The following TIMELESS variants were observed in gnomAD, a reference collection of about 807,000 sequenced individuals.
TIMELESS encodes timeless circadian regulator.
In TIMELESS, 124 loss-of-function variants were observed where a neutral mutation model predicts 164.3. The observed-to-expected ratio is 0.75, with a 90% confidence interval of 0.65 to 0.88. The LOEUF (loss-of-function observed/expected upper bound fraction) is 0.88, where lower values mean the gene tolerates loss of function less well. Ranked by LOEUF, TIMELESS falls within the 40% of genes least tolerant of loss-of-function variation. TIMELESS has a pLI of 0.00. For synonymous variants in TIMELESS, 564 were observed against 563.4 expected, an observed-to-expected ratio of 1.00 and a Z score of -0.02; for missense variants, 1,422 against 1,491.4, an observed-to-expected ratio of 0.95 and a Z score of 0.77.
intron 6 of TIMELESS, 93 bp from the exon 7 acceptor site, chr12:56,432,617 T>A: frequency 1.3e-6 from 2 of 1,515,336 alleles, no homozygotes; most frequent in Non-Finnish European, 1.8e-6. Context: ...CCAAGCCTCC[T>A]CTCCCAGACT....
intron 13 of TIMELESS, 150 bp from the exon 14 acceptor site, chr12:56,425,302 C>T: frequency 9.9e-7 from 1 of 1,014,158 alleles, no homozygotes; most frequent in Non-Finnish European, 1.4e-6. Flanking sequence ...TAGTGAACAG[C>T]ATATTTCCTT....
At chr12:56,447,353 T>G (rs960009433) in intron 1 of TIMELESS, among the ~76,000 whole-genome samples, 2 of 152,178 alleles carry the variant, frequency 1.3e-5, no homozygotes, top group Non-Finnish European at 2.9e-5. Flanking sequence ...CACGAAAACG[T>G]AAACTCTTTC....
At chr12:56,432,998 A>C (rs780217871) in intron 6 of TIMELESS, 28 bp downstream of exon 6, 1 of 1,529,126 alleles carries the variant, frequency 6.5e-7, no homozygotes, top group East Asian at 2.3e-5. Context: ...AACCATGCAC[A>C]AGAACACAGA....
chr12:56,420,048 A>ATGTGTGTGTGTGTGTG (rs1363649039), intron 26 of TIMELESS, among the ~76,000 whole-genome samples: 4 of 87,342 alleles, frequency 4.6e-5, no homozygotes, highest in African/African-American at 2.0e-4. Context: ...ATATATATAT[A>ATGTGTGTGTGTGTGTG]TGTGTGTGTG....
intron 1 of TIMELESS, among the ~76,000 whole-genome samples, chr12:56,438,589 T>C (rs1326410271): frequency 6.6e-6 from 1 of 151,568 alleles, no homozygotes; most frequent in African/African-American, 2.4e-5. Flanking sequence ...TTGGGCAATA[T>C]AGTGAGACCT....
intron 1 of TIMELESS, 125 bp from the exon 2 acceptor site, chr12:56,434,356 A>G: frequency 1.7e-6 from 1 of 593,984 alleles, no homozygotes. Context: ...TTTTGTCACA[A>G]CCAAAAGTTC....
At chr12:56,423,054 T>C in intron 18 of TIMELESS, 62 bp from the exon 19 acceptor site, 3 of 1,560,566 alleles carry the variant, frequency 1.9e-6, no homozygotes, top group Non-Finnish European at 2.6e-6. Flanking sequence ...AACCTGGCCC[T>C]CTAGGTATTT....
At chr12:56,424,372 G>T (rs1881602514) in intron 15 of TIMELESS, among the ~76,000 whole-genome samples, 1 of 152,170 alleles carries the variant, frequency 6.6e-6, no homozygotes, top group African/African-American at 2.4e-5. Flanking sequence ...TAGAATTAAA[G>T]TTAAGTCCGC....
intron 1 of TIMELESS, among the ~76,000 whole-genome samples, chr12:56,446,810 CAAA>C (rs57794084): frequency 3.9e-5 from 5 of 126,980 alleles, no homozygotes; most frequent in Non-Finnish European, 3.4e-5. Context: ...AACTCCATCT[CAAA>C]AAAAAAAAAA....
chr12:56,433,747 A>G (rs2136145736), intron 3 of TIMELESS, 26 bp downstream of exon 3: 1 of 1,613,754 alleles, frequency 6.2e-7, no homozygotes, highest in Admixed American at 1.7e-5. Flanking sequence ...GGCAGGTGGC[A>G]AAAGTTTAAA....
At chr12:56,444,521 C>G (rs990995560) in intron 1 of TIMELESS, among the ~76,000 whole-genome samples, 5 of 152,160 alleles carry the variant, frequency 3.3e-5, no homozygotes, top group Admixed American at 6.6e-5. Flanking sequence ...CTAGCCCCAT[C>G]CCCATATATT....
chr12:56,441,442 C>T (rs1017554154), intron 1 of TIMELESS, among the ~76,000 whole-genome samples: 3 of 151,820 alleles, frequency 2.0e-5, no homozygotes, highest in Admixed American at 2.0e-4. Context: ...GGCAACATAG[C>T]GAAGCCCAGT....
Position 56,433,364 on chromosome 12 carries a change from G to C in TIMELESS, c.429+17C>G. The C allele has an allele frequency of 6.2e-7, 1 of 1,613,902 alleles. No homozygotes were observed. ...AATGCTGTCCCATGGTATCCTGTAA[G>C]GTGAAGACTCACTCACCAGCTGCAG... is the stretch of plus-strand genomic sequence containing the variant. On this transcript the variant is annotated intron_variant, in intron 5 of 28. Coordinates refer to ENST00000553532, the MANE Select transcript of TIMELESS (RefSeq NM_003920.5).
rs1881998606 is a variant in TIMELESS, at chr12:56,434,231, C to T, written c.-61G>A. ...GAAACAGGAGACAGAAATGATGAGG[C>T]CTGGAGAAATAGAGAAAGATAAAAA... On this transcript the variant is annotated splice_region_variant and 5_prime_UTR_variant, in exon 2 of 29. Transcript: ENST00000553532. The T allele has an allele frequency of 1.5e-6, 2 of 1,338,446 alleles. No homozygotes were observed. The highest frequency in any genetic ancestry group is 1.4e-5 in the African/African-American group (1 of 69,054). 82.9% of individuals were successfully genotyped at this position (1,338,446 alleles called of 1,614,324 possible).
intron 1 of TIMELESS, among the ~76,000 whole-genome samples, chr12:56,447,182 G>GTT (rs144004569): frequency 1.1e-4 from 10 of 89,266 alleles, no homozygotes; most frequent in African/African-American, 3.7e-4. Flanking sequence ...GCTAATTTTT[G>GTT]TTTTTTTTTT....
At chr12:56,442,766 A>C (rs904770085) in intron 1 of TIMELESS, among the ~76,000 whole-genome samples, 1 of 152,214 alleles carries the variant, frequency 6.6e-6, no homozygotes, top group Admixed American at 6.5e-5. Flanking sequence ...CCGAATGGAG[A>C]GACCGGCTGA....
At chr12:56,431,657 A>C in intron 7 of TIMELESS, 53 bp from the exon 8 acceptor site, 16 of 1,583,590 alleles carry the variant, frequency 1.0e-5, no homozygotes, top group Non-Finnish European at 1.4e-5. Flanking sequence ...CCTTATCCTG[A>C]GTTCACGCCT....
At chr12:56,434,266 C>T (rs933224022) in intron 1 of TIMELESS, 35 bp from the exon 2 acceptor site, 7 of 997,716 alleles carry the variant, frequency 7.0e-6, no homozygotes, top group Admixed American at 2.0e-5. Flanking sequence ...AATGTAAGTT[C>T]CTCTCCATGA....
At position 56,417,487 on chromosome 12, in the gene TIMELESS, C is replaced by G; in HGVS notation, c.*229G>C. The G allele has an allele frequency of 1.9e-6, 1 of 522,450 alleles. No homozygotes were observed. Among genetic ancestry groups the G allele is most frequent in the South Asian group, 2.7e-5 (1 of 37,148 alleles). 32.4% of individuals were successfully genotyped at this position (522,450 alleles called of 1,614,324 possible). A position where few individuals can be genotyped will look rare whatever the true frequency, so the allele number is the denominator to read the frequency against. On this transcript the variant is annotated 3_prime_UTR_variant, in exon 29 of 29. Transcript: ENST00000553532. ...TTCCTAGAAGAAGAGAACTAAATCT[C>G]CAGAGAGCTGCTGGGGCATACCGAT...
Sources: gnomAD v4.1 joint callset for allele counts (sites outside exome capture counted in the v4.1 genomes callset) on GRCh38, gnomAD v4.1.1 for gene constraint, MANE v1.5 for transcripts, NCBI Gene and HGNC (gene_info 2026-07-23, HGNC 2026-07-21) for gene names.